Variants in PRSS48 observed in about 807,000 individuals in gnomAD.
The protein encoded by PRSS48 is epidermis-specific serine protease-like protein.
Under a neutral mutation model 25.6 loss-of-function variants are expected in PRSS48, and 21 were observed. The ratio of observed to expected loss-of-function variants is 0.82; its 90% CI spans 0.58 to 1.18. PRSS48 has a LOEUF of 1.18. Among genes scored for constraint, PRSS48 ranks in the 50% most tolerant of loss-of-function variants. The probability of loss-of-function intolerance (pLI) is 0.00; values close to 1 mark genes in which losing one functional copy is unlikely to be tolerated. For missense variants in PRSS48, 373 were observed against 399.3 expected (o/e 0.93, Z 0.56); for synonymous variants, 150 against 149.3 (o/e 1.00, Z -0.04).
intron 4 of PRSS48, 21 bp downstream of exon 4, chr4:151,283,307 A>AT (rs754526340): frequency 5.8e-5 from 92 of 1,595,222 alleles, no homozygotes; most frequent in South Asian, 1.2e-4. Context: ...GCTCTAGAGA[A>AT]TTTTTTTTTA....
intron 4 of PRSS48, among the ~76,000 whole-genome samples, chr4:151,286,156 G>A (rs1201466977): frequency 3.5e-5 from 5 of 142,768 alleles, no homozygotes; most frequent in African/African-American, 1.3e-4. Context: ...GCTCCAGGCT[G>A]GGTGACACAG....
Position 151,282,128 on chromosome 4 carries a change from C to G in PRSS48, c.216-20C>G. ...ACCCAGCTGCAGGCCATAAGCAGGC[C>G]TCCTTTCTTTTCCCCATAGGACCTG... is the stretch of plus-strand genomic sequence containing the variant. On this transcript the variant is annotated intron_variant, in intron 2 of 4. Coordinates refer to ENST00000455694, the Ensembl canonical transcript of PRSS48. 1.9e-6 allele frequency: 3 copies of G among 1,611,712 alleles called. No homozygotes were observed. Among genetic ancestry groups the G allele is most frequent in the Non-Finnish European group, 2.5e-6 (3 of 1,178,334 alleles).
chr4:151,291,149 T>C (rs1378548830), exon 5 of PRSS48: 3 of 1,613,576 alleles, frequency 1.9e-6, no homozygotes, highest in Non-Finnish European at 1.7e-6. Context: ...TCGTGTCACA[T>C]TGATGGTGTA....
At chr4:151,283,379 CAGG>C in intron 4 of PRSS48, 93 bp downstream of exon 4, 2 of 1,142,434 alleles carry the variant, frequency 1.8e-6, no homozygotes, top group South Asian at 2.9e-5. Context: ...GATTGGGAGT[CAGG>C]AGATGAGGGT....
exon 4 of PRSS48, chr4:151,283,141 A>C: frequency 6.2e-7 from 1 of 1,613,826 alleles, no homozygotes; most frequent in Non-Finnish European, 8.5e-7. Context: ...TCTGCCCTTC[A>C]GGAAGCAGAA....
At chr4:151,280,058 C>A in intron 2 of PRSS48, 100 bp downstream of exon 2, 1 of 1,369,436 alleles carries the variant, frequency 7.3e-7, no homozygotes, top group Non-Finnish European at 1.0e-6. Context: ...GTAAAATAGG[C>A]AGGGCGGAAG....
At chr4:151,277,290 G>C in intron 1 of PRSS48, 66 bp downstream of exon 1, 1 of 1,284,504 alleles carries the variant, frequency 7.8e-7, no homozygotes, top group Admixed American at 2.4e-5. Context: ...GCATCACATA[G>C]AACAATGTGA....
At chr4:151,277,293 C>A in intron 1 of PRSS48, 69 bp downstream of exon 1, 1 of 1,229,852 alleles carries the variant, frequency 8.1e-7, no homozygotes. Flanking sequence ...TCACATAGAA[C>A]AATGTGACAC....
rs781239069 is a variant in PRSS48, at chr4:151,277,201, T to C, written c.29T>C (p.Leu10Pro). 4 of 1,501,824 alleles carry C rather than the reference T, an allele frequency of 2.7e-6. No individual in the cohort carries two copies. The African/African-American group carries it at 4.2e-5, about 16-fold the overall frequency. 93.0% of individuals were successfully genotyped at this position (1,501,824 alleles called of 1,614,324 possible). A position where few individuals can be genotyped will look rare whatever the true frequency, so the allele number is the denominator to read the frequency against. The change falls in exon 1 of 5, where the codon CTG becomes CCG. Residue 10 changes from leucine (L) to proline (P), a missense_variant. Coordinates refer to ENST00000455694, the Ensembl canonical transcript of PRSS48. Reference sequence around the variant, plus strand: ...GGCCCTGCTGGCTGTGCCTTCACGCTGCTCCTTCTGCTGGGGATCTCAGGT... The same window carrying C: ...GGCCCTGCTGGCTGTGCCTTCACGCCGCTCCTTCTGCTGGGGATCTCAGGT...
chr4:151,283,597 A>C (rs369776298), intron 4 of PRSS48, among the ~76,000 whole-genome samples: 1 of 149,334 alleles, frequency 6.7e-6, no homozygotes, highest in South Asian at 2.1e-4. Context: ...AGCTTACTAC[A>C]GCCTCCAGCT....
intron 4 of PRSS48, 57 bp from the exon 5 acceptor site, chr4:151,291,061 T>C: frequency 1.5e-6 from 2 of 1,352,970 alleles, no homozygotes. Flanking sequence ...CCCTTATTAC[T>C]ACTCTCTTCT....
chr4:151,278,393 T>C (rs1773856317), intron 1 of PRSS48, among the ~76,000 whole-genome samples: 1 of 144,024 alleles, frequency 6.9e-6, no homozygotes, highest in African/African-American at 2.5e-5. Context: ...TCAGCCTCCC[T>C]AGTAGCTGGG....
chr4:151,282,383 A>C (rs934425577), exon 3 of PRSS48: 1 of 1,613,878 alleles, frequency 6.2e-7, no homozygotes, highest in Non-Finnish European at 8.5e-7. Flanking sequence ...TTGTTGGGTG[A>C]CCGGATGGGG....
At position 151,278,867 on chromosome 4, in the gene PRSS48, G is replaced by C. The variant is rs376267315; in HGVS notation, c.53-929G>C. ...AGGCTGGTTTTGAACTCCTGGACTT[G>C]AGCAATCCACCCACCTCAGCCTCCC... On this transcript the variant is annotated intron_variant, in intron 1 of 4. Coordinates refer to ENST00000455694, the Ensembl canonical transcript of PRSS48. Among the ~76,000 whole-genome samples the C allele has an allele frequency of 4.3e-4, 65 of 152,162 alleles. No homozygotes were observed. The South Asian group carries it at 0.012, about 29-fold the overall frequency.
chr4:151,277,184 T>A (rs202007257), exon 1 of PRSS48: 1 of 1,491,492 alleles, frequency 6.7e-7, no homozygotes, highest in Non-Finnish European at 9.0e-7. Flanking sequence ...TGGGCCCTGC[T>A]GGCTGTGCCT....
At chr4:151,289,092 G>C (rs561583377) in intron 4 of PRSS48, among the ~76,000 whole-genome samples, 41 of 152,258 alleles carry the variant, frequency 2.7e-4, no homozygotes, top group African/African-American at 9.9e-4. Context: ...TATATTTATG[G>C]TCAATTATTT....
At chr4:151,291,551 A>C, downstream of PRSS48, 1 of 792,028 alleles carries the variant, frequency 1.3e-6, no homozygotes, top group Non-Finnish European at 2.0e-6. Context: ...TGGGGTTGGA[A>C]TGTGAAGAGT....
intron 1 of PRSS48, among the ~76,000 whole-genome samples, chr4:151,278,569 A>G (rs1773877328): frequency 2.0e-5 from 3 of 152,142 alleles, no homozygotes; most frequent in Non-Finnish European, 4.4e-5. Flanking sequence ...ATCTCTGGTC[A>G]TCCCTAGTTT....
rs567691860 is a variant in PRSS48, at chr4:151,289,836, TCAGAAGGCTGTGG to T, written c.652-1274_652-1262del. 2.8e-4 allele frequency among the ~76,000 whole-genome samples: 42 copies of T among 152,252 alleles called. 1 individual carries two copies. The highest frequency in any genetic ancestry group is 2.6e-3 in the Admixed American group (40 of 15,282). On this transcript the variant is annotated intron_variant, in intron 4 of 4. Transcript: ENST00000455694. ...GGCTTCCACCTGTAATCTCAACTAC[TCAGAAGGCTGTGG>T]CAGAAGGATCGCTTCAGCCCAAGAG...
Sources: gnomAD v4.1 joint callset for allele counts (sites outside exome capture counted in the v4.1 genomes callset) on GRCh38, gnomAD v4.1.1 for gene constraint, MANE v1.5 for transcripts, NCBI Gene and HGNC (gene_info 2026-07-23, HGNC 2026-07-21) for gene names.